Variants in WWOX observed in about 807,000 individuals in gnomAD.
WWOX encodes WW domain containing oxidoreductase.
Under a neutral mutation model 46.2 loss-of-function variants are expected in WWOX, and 69 were observed. The observed-to-expected ratio is 1.49, with a 90% CI of 1.23 to 1.82. WWOX has a LOEUF of 1.82. Among genes scored for constraint, WWOX ranks in the 40% most tolerant of loss-of-function variants. The pLI is 0.00. For missense variants in WWOX, 919 were observed against 542.6 expected (o/e 1.69, Z -6.89); for synonymous variants, 359 against 202.6 (o/e 1.77, Z -6.56).
chr16:78,634,837 AGTGTGT>A (rs59374463), intron 8 of WWOX, among the ~76,000 whole-genome samples: 6,651 of 111,542 alleles, frequency 0.06, 190 homozygotes, highest in Non-Finnish European at 0.078. Flanking sequence ...AGAGAGAGAG[AGTGTGT>A]GTGTGTGTGT....
chr16:78,840,397 G>A (rs962188576), intron 8 of WWOX, among the ~76,000 whole-genome samples: 4 of 152,288 alleles, frequency 2.6e-5, no homozygotes, highest in Admixed American at 1.3e-4. Flanking sequence ...GACAAATTCA[G>A]TAGGCCCACA....
intron 5 of WWOX, among the ~76,000 whole-genome samples, chr16:78,359,581 T>C (rs62033451): frequency 0.063 from 9,597 of 152,280 alleles, 361 homozygotes; most frequent in Middle Eastern, 0.12. Flanking sequence ...TTCAGCATCT[T>C]ATAGCTTATG....
rs745887485 is a variant in WWOX, at chr16:78,422,667, A to G, written c.606-2203A>G. ...AGCCTCCTGTTTTTTTTACATGTAT[A>G]TATATATATATATATATACACACAC... On this transcript the variant is annotated intron_variant, in intron 6 of 8. Coordinates refer to ENST00000566780, the MANE Select transcript of WWOX (RefSeq NM_016373.4). 1.2e-3 allele frequency among the ~76,000 whole-genome samples: 70 copies of G among 56,078 alleles called. 1 individual carries two copies. The highest frequency in any genetic ancestry group is 2.3e-3 in the African/African-American group (25 of 11,106). The allele number at this position is 56,078 out of a possible 152,430, so 36.8% of individuals were successfully genotyped here.
chr16:78,375,382 C>G (rs992005077), intron 5 of WWOX, among the ~76,000 whole-genome samples: 1 of 152,150 alleles, frequency 6.6e-6, no homozygotes, highest in African/African-American at 2.4e-5. Context: ...TATGAGTAGC[C>G]TACTTGCATT....
chr16:79,173,140 T>C (rs928159355), intron 8 of WWOX, among the ~76,000 whole-genome samples: 1 of 152,214 alleles, frequency 6.6e-6, no homozygotes, highest in Non-Finnish European at 1.5e-5. Flanking sequence ...TTGACACACA[T>C]GTGTGCCCAT....
At chr16:78,630,889 T>C (rs1015035796) in intron 8 of WWOX, among the ~76,000 whole-genome samples, 7 of 152,112 alleles carry the variant, frequency 4.6e-5, no homozygotes, top group African/African-American at 1.7e-4. Flanking sequence ...CCCCTCTCTC[T>C]GGGTTCTACA....
intron 8 of WWOX, among the ~76,000 whole-genome samples, chr16:78,857,761 C>CA (rs1331904952): frequency 6.6e-6 from 1 of 152,096 alleles, no homozygotes; most frequent in Non-Finnish European, 1.5e-5. Context: ...CTCGATTTTC[C>CA]AAAAAGTTTT....
chr16:78,100,754 G>A (rs1245061987), intron 1 of WWOX, among the ~76,000 whole-genome samples: 1 of 152,238 alleles, frequency 6.6e-6, no homozygotes, highest in Non-Finnish European at 1.5e-5. Flanking sequence ...ACCGTGTCTA[G>A]TAGGTACTCT....
intron 8 of WWOX, among the ~76,000 whole-genome samples, chr16:79,152,763 A>G (rs767404065): frequency 5.3e-5 from 8 of 152,058 alleles, no homozygotes; most frequent in African/African-American, 1.4e-4. Flanking sequence ...AGCTCAGGGA[A>G]TTATTCTGCA....
intron 8 of WWOX, among the ~76,000 whole-genome samples, chr16:78,885,587 C>T (rs76386043): frequency 6.6e-6 from 1 of 152,126 alleles, no homozygotes; most frequent in African/African-American, 2.4e-5. Flanking sequence ...GTTCTGCTAA[C>T]CAAAATTCAG....
intron 8 of WWOX, among the ~76,000 whole-genome samples, chr16:78,656,249 G>A (rs2047078259): frequency 6.6e-6 from 1 of 152,066 alleles, no homozygotes; most frequent in Non-Finnish European, 1.5e-5. Context: ...TCCTTCGGTG[G>A]TAGATCAATG....
rs550048569 is a variant in WWOX at position 78,894,448 on chromosome 16, G to A, written c.1057-317160G>A. On this transcript the variant is annotated intron_variant, in intron 8 of 8. Coordinates refer to ENST00000566780, the MANE Select transcript of WWOX (RefSeq NM_016373.4). ...ATCATAAAGTCCTAGACTATTTTTT[G>A]TCTAAATTATTGTTTGTAGTCAGCC... Among the ~76,000 whole-genome samples, 40 of 152,160 alleles carry A rather than the reference G, an allele frequency of 2.6e-4. 1 individual carries two copies. In the South Asian group the frequency reaches 7.7e-3, roughly 29 times the overall value.
At chr16:78,731,066 G>A (rs568191653) in intron 8 of WWOX, among the ~76,000 whole-genome samples, 8 of 152,238 alleles carry the variant, frequency 5.3e-5, no homozygotes, top group African/African-American at 1.9e-4. Flanking sequence ...TTAAGAAAAT[G>A]TTGATTTTAT....
At chr16:78,844,372 G>A (rs57911070) in intron 8 of WWOX, among the ~76,000 whole-genome samples, 2,104 of 152,232 alleles carry the variant, frequency 0.014, 48 homozygotes, top group African/African-American at 0.048. Context: ...TGCCTGGGAT[G>A]GGAAATAAAT....
At chr16:78,712,002 A>G (rs1466434499) in intron 8 of WWOX, among the ~76,000 whole-genome samples, 1 of 152,170 alleles carries the variant, frequency 6.6e-6, no homozygotes, top group Non-Finnish European at 1.5e-5. Context: ...TAGTTCGGCA[A>G]AGAAGCCCCA....
At chr16:79,006,770 G>C (rs542323878) in intron 8 of WWOX, among the ~76,000 whole-genome samples, 38 of 152,176 alleles carry the variant, frequency 2.5e-4, no homozygotes, top group African/African-American at 8.9e-4. Flanking sequence ...CCATCTTCAT[G>C]GACTCAGGGT....
intron 8 of WWOX, among the ~76,000 whole-genome samples, chr16:79,031,822 CTATA>C (rs1224826573): frequency 9.0e-6 from 1 of 111,160 alleles, no homozygotes; most frequent in Admixed American, 1.1e-4. Flanking sequence ...TATATATAAT[CTATA>C]TATGATATAT....
intron 8 of WWOX, among the ~76,000 whole-genome samples, chr16:79,132,008 T>C (rs1208854897): frequency 6.6e-6 from 1 of 152,076 alleles, no homozygotes; most frequent in Non-Finnish European, 1.5e-5. Context: ...ACCCCCATGA[T>C]TCAGTTGTCT....
At chr16:78,744,633 T>C (rs1172176829) in intron 8 of WWOX, among the ~76,000 whole-genome samples, 1 of 151,930 alleles carries the variant, frequency 6.6e-6, no homozygotes, top group Non-Finnish European at 1.5e-5. Flanking sequence ...GGTTTCACCA[T>C]GTTGGCCAGG....
Sources: gnomAD v4.1 joint callset for allele counts (sites outside exome capture counted in the v4.1 genomes callset) on GRCh38, gnomAD v4.1.1 for gene constraint, MANE v1.5 for transcripts, NCBI Gene and HGNC (gene_info 2026-07-23, HGNC 2026-07-21) for gene names.